OPCML: variants seen among roughly 807,000 people sequenced by gnomAD.
OPCML encodes opioid binding protein/cell adhesion molecule like, also known as opioid-binding protein/cell adhesion molecule.
OPCML carries 13 observed loss-of-function variants against 37.8 expected under a neutral mutation model. The observed-to-expected ratio is 0.34, with a 90% CI of 0.22 to 0.55. The LOEUF (loss-of-function observed/expected upper bound fraction) is 0.55, where lower values mean the gene tolerates loss of function less well. Ranked by LOEUF, OPCML falls within the 20% of genes least tolerant of loss-of-function variation. The pLI is 0.91. For missense variants in OPCML, 341 were observed against 435.6 expected (o/e 0.78, Z 1.93); for synonymous variants, 176 against 168.8 (o/e 1.04, Z -0.33).
At chr11:132,736,560 CAGA>C (rs1945267512) in intron 2 of OPCML, among the ~76,000 whole-genome samples, 1 of 152,164 alleles carries the variant, frequency 6.6e-6, no homozygotes, top group South Asian at 2.1e-4. Context: ...CAGTGAACTA[CAGA>C]AGAATTGACA....
At chr11:132,936,820 C>A (rs1945392361) in intron 2 of OPCML, among the ~76,000 whole-genome samples, 1 of 152,100 alleles carries the variant, frequency 6.6e-6, no homozygotes, top group African/African-American at 2.4e-5. Context: ...GAGTGCACCC[C>A]TCCCCCAAAC....
At chr11:132,632,765 A>G (rs562018250) in intron 3 of OPCML, among the ~76,000 whole-genome samples, 7 of 152,192 alleles carry the variant, frequency 4.6e-5, no homozygotes, top group African/African-American at 1.7e-4. Context: ...TAGCCAAACT[A>G]TGCAAATGTG....
chr11:133,132,556 G>A (rs748785088), intron 1 of OPCML, among the ~76,000 whole-genome samples: 1 of 152,092 alleles, frequency 6.6e-6, no homozygotes, highest in Admixed American at 6.6e-5. Context: ...GAAGGTATAC[G>A]CTAATATTCA....
chr11:133,024,899 A>T, intron 1 of OPCML: 1 of 985,406 alleles, frequency 1.0e-6, no homozygotes, highest in Non-Finnish European at 1.2e-6. Flanking sequence ...GTGCATAAAG[A>T]TTATCTACAG....
chr11:132,969,620 G>A (rs968624983), intron 1 of OPCML, among the ~76,000 whole-genome samples: 2 of 151,928 alleles, frequency 1.3e-5, no homozygotes, highest in Non-Finnish European at 2.9e-5. Flanking sequence ...TTTTTTCTCT[G>A]TTTTTCTGAT....
At chr11:132,492,011 G>T (rs1399937814) in intron 4 of OPCML, among the ~76,000 whole-genome samples, 1 of 150,730 alleles carries the variant, frequency 6.6e-6, no homozygotes, top group Admixed American at 6.6e-5. Flanking sequence ...ACTGAAGTGA[G>T]TGAGAGCATG....
chr11:132,757,688 G>A (rs756732529), intron 2 of OPCML, among the ~76,000 whole-genome samples: 13 of 151,950 alleles, frequency 8.6e-5, no homozygotes, highest in Admixed American at 2.0e-4. Context: ...TTGTAGATTC[G>A]GGATATTAGC....
intron 1 of OPCML, among the ~76,000 whole-genome samples, chr11:133,348,269 T>G (rs1226321366): frequency 6.6e-6 from 1 of 152,212 alleles, no homozygotes; most frequent in African/African-American, 2.4e-5. Context: ...AGATGCCAAT[T>G]GAATCTCATC....
Position 133,174,715 on chromosome 11 carries a change from T to C in OPCML, c.62-231705A>G, listed in dbSNP as rs1200116494. Among the ~76,000 whole-genome samples the C allele has an allele frequency of 6.7e-6, 1 of 149,176 alleles. No individual in the cohort carries two copies. The highest frequency in any genetic ancestry group is 2.5e-5 in the African/African-American group (1 of 40,254). ...TGTGTATTTCTTGTCTCCTGAAAAA[T>C]AAATTTATGTTTGCCTATCTATATT... On this transcript the variant is annotated intron_variant, in intron 1 of 7. Coordinates refer to ENST00000524381, the MANE Select transcript of OPCML (RefSeq NM_001012393.5). This position sits in a 1 kb window ranked among gnomAD's most constrained non-coding sequence, Gnocchi z 4.6.
At chr11:133,161,475 A>G (rs1329078482) in intron 1 of OPCML, among the ~76,000 whole-genome samples, 2 of 152,178 alleles carry the variant, frequency 1.3e-5, no homozygotes, top group African/African-American at 4.8e-5. Flanking sequence ...CGTGGGATTT[A>G]AAGCTGTGAG....
intron 1 of OPCML, among the ~76,000 whole-genome samples, chr11:133,495,532 C>T (rs112381553): frequency 0.04 from 6,043 of 152,144 alleles, 170 homozygotes; most frequent in South Asian, 0.1. Flanking sequence ...AGTGGAGAAG[C>T]GTTCCCTGAT....
intron 1 of OPCML, among the ~76,000 whole-genome samples, chr11:133,203,111 C>T (rs558917052): frequency 2.6e-5 from 4 of 152,098 alleles, no homozygotes; most frequent in Non-Finnish European, 5.9e-5. Context: ...GTAACTTGCC[C>T]GAGATGATAA....
At chr11:133,218,545 T>C (rs1453000280) in intron 1 of OPCML, among the ~76,000 whole-genome samples, 1 of 152,192 alleles carries the variant, frequency 6.6e-6, no homozygotes. Flanking sequence ...GGTGAACTAG[T>C]GTCCTCCTGT....
intron 1 of OPCML, among the ~76,000 whole-genome samples, chr11:133,472,518 C>A (rs951339235): frequency 2.8e-4 from 43 of 151,706 alleles, no homozygotes; most frequent in Admixed American, 5.9e-4. Context: ...ATCAGGCAAA[C>A]CCCGATCTTC....
chr11:133,485,044 T>C (rs1328899258), intron 1 of OPCML, among the ~76,000 whole-genome samples: 1 of 152,066 alleles, frequency 6.6e-6, no homozygotes, highest in African/African-American at 2.4e-5. Flanking sequence ...AAAAAAAGAA[T>C]ATCCAGTACT....
At chr11:132,493,654 A>G (rs2096222847) in intron 4 of OPCML, among the ~76,000 whole-genome samples, 1 of 152,234 alleles carries the variant, frequency 6.6e-6, no homozygotes, top group Non-Finnish European at 1.5e-5. Context: ...AGGGGAGAAA[A>G]GATGCACAGA....
At chr11:132,728,112 G>A (rs1407181620) in intron 2 of OPCML, among the ~76,000 whole-genome samples, 3 of 152,232 alleles carry the variant, frequency 2.0e-5, no homozygotes, top group South Asian at 2.1e-4. Flanking sequence ...AACGTGTGCC[G>A]CGCCTGTAAC....
At chr11:133,508,843 C>T (rs1948094690) in intron 1 of OPCML, among the ~76,000 whole-genome samples, 1 of 152,172 alleles carries the variant, frequency 6.6e-6, no homozygotes, top group Admixed American at 6.5e-5. Flanking sequence ...CTTGCTGTGC[C>T]TCACCTCTTG....
intron 2 of OPCML, among the ~76,000 whole-genome samples, chr11:132,746,382 C>A (rs1339663803): frequency 6.6e-6 from 1 of 152,180 alleles, no homozygotes; most frequent in African/African-American, 2.4e-5. Flanking sequence ...AGGACTTACA[C>A]AAGCATCTCA....
Sources: gnomAD v4.1 joint callset for allele counts (sites outside exome capture counted in the v4.1 genomes callset) on GRCh38, gnomAD v4.1.1 for gene constraint, Gnocchi (gnomAD v3.1) non-coding constraint, MANE v1.5 for transcripts, NCBI Gene and HGNC (gene_info 2026-07-23, HGNC 2026-07-21) for gene names.